The following MRC1 variants were observed in gnomAD, a reference collection of about 807,000 sequenced individuals.
The protein encoded by MRC1 is mannose receptor C-type 1, also known as macrophage mannose receptor 1.
A neutral mutation model predicts 102.9 loss-of-function variants in MRC1; 62 were observed. The observed-to-expected ratio is 0.60, with a 90% confidence interval of 0.49 to 0.74. The LOEUF (loss-of-function observed/expected upper bound fraction) is 0.74. MRC1 is among the 30% of genes least tolerant of loss of function. MRC1 has a pLI of 0.00. For synonymous variants in MRC1, 457 were observed against 298.4 expected, an observed-to-expected ratio of 1.53 and a Z score of -5.48; for missense variants, 1,237 against 862.8, an observed-to-expected ratio of 1.43 and a Z score of -5.43.
chr10:17,824,987 T>G (rs987529930), intron 2 of MRC1, among the ~76,000 whole-genome samples: 21 of 152,058 alleles, frequency 1.4e-4, no homozygotes, highest in Non-Finnish European at 4.4e-5. Context: ...ATATACATAT[T>G]GGGAAAAACC....
At chr10:17,901,465 G>T (rs1197147283) in intron 25 of MRC1, among the ~76,000 whole-genome samples, 3 of 152,158 alleles carry the variant, frequency 2.0e-5, no homozygotes, top group African/African-American at 7.2e-5. Flanking sequence ...GAGGCGGGCA[G>T]ATCACCTGAG....
chr10:17,873,897 A>G, intron 16 of MRC1, 72 bp downstream of exon 16: 5 of 854,316 alleles, frequency 5.9e-6, no homozygotes, highest in Non-Finnish European at 1.0e-5. Context: ...CTCAATGAAA[A>G]AATTACTTGC....
rs782616938 is a variant in MRC1 at position 17,827,372 on chromosome 10, C to CAAAAAAAAAAAAAAAAA, written c.464-148_464-132dup. On this transcript the variant is annotated intron_variant, in intron 2 of 29. Coordinates refer to ENST00000569591, the MANE Select transcript of MRC1 (RefSeq NM_002438.4). ...TAGAAGGAGAAGGAAAAAAAATACC[C>CAAAAAAAAAAAAAAAAA]AAAAAAAAAAAAAAAAAAAAAAAAA... is the stretch of plus-strand genomic sequence containing the variant. 1.1e-4 allele frequency among the ~76,000 whole-genome samples: 7 copies of CAAAAAAAAAAAAAAAAA among 64,030 alleles called. 3 individuals are homozygous for CAAAAAAAAAAAAAAAAA. The highest frequency in any genetic ancestry group is 1.9e-4 in the Non-Finnish European group (6 of 31,754). 42.0% of individuals were successfully genotyped at this position (64,030 alleles called of 152,430 possible). A position where few individuals can be genotyped will look rare whatever the true frequency, so the allele number is the denominator to read the frequency against.
intron 8 of MRC1, among the ~76,000 whole-genome samples, chr10:17,853,758 G>T (rs1833028901): frequency 1.3e-5 from 2 of 152,022 alleles, no homozygotes; most frequent in Non-Finnish European, 2.9e-5. Context: ...ACATGGAGCT[G>T]TCATATGAAA....
At chr10:17,854,449 A>T (rs1158337583) in intron 8 of MRC1, among the ~76,000 whole-genome samples, 1 of 152,222 alleles carries the variant, frequency 6.6e-6, no homozygotes, top group Non-Finnish European at 1.5e-5. Flanking sequence ...AGACAGAAGA[A>T]ACCAGAAAGC....
At chr10:17,858,303 T>A (rs1156784174) in intron 9 of MRC1, among the ~76,000 whole-genome samples, 1 of 152,192 alleles carries the variant, frequency 6.6e-6, no homozygotes, top group Non-Finnish European at 1.5e-5. Flanking sequence ...GTCACACTAA[T>A]TCTTCTTCAG....
At chr10:17,820,395 T>A (rs1838377276) in intron 1 of MRC1, among the ~76,000 whole-genome samples, 1 of 152,218 alleles carries the variant, frequency 6.6e-6, no homozygotes, top group Non-Finnish European at 1.5e-5. Context: ...CATTAAATGC[T>A]GTCTTAGAGT....
intron 4 of MRC1, among the ~76,000 whole-genome samples, chr10:17,839,514 T>G (rs1250372796): frequency 6.8e-6 from 1 of 146,558 alleles, no homozygotes; most frequent in South Asian, 2.2e-4. Flanking sequence ...TTTAAAGAAT[T>G]TTTTTGAAGG....
At chr10:17,882,682 A>G (rs1833536387) in intron 21 of MRC1, among the ~76,000 whole-genome samples, 1 of 152,200 alleles carries the variant, frequency 6.6e-6, no homozygotes, top group Non-Finnish European at 1.5e-5. Context: ...ACATTGTACA[A>G]TAAATCCCAA....
intron 3 of MRC1, among the ~76,000 whole-genome samples, chr10:17,830,534 C>G (rs1838554831): frequency 6.6e-6 from 1 of 151,336 alleles, no homozygotes; most frequent in Non-Finnish European, 1.5e-5. Flanking sequence ...TCTCCATTGT[C>G]CGTTGCATTG....
intron 22 of MRC1, among the ~76,000 whole-genome samples, chr10:17,886,728 C>T (rs1833601886): frequency 6.6e-6 from 1 of 152,052 alleles, no homozygotes; most frequent in Non-Finnish European, 1.5e-5. Context: ...AAATTTAAAA[C>T]ATAATAATTA....
intron 7 of MRC1, 130 bp from the exon 8 acceptor site, chr10:17,852,837 T>A: frequency 1.3e-6 from 1 of 761,710 alleles, no homozygotes; most frequent in Non-Finnish European, 2.4e-6. Context: ...GAGGACTATC[T>A]TTCATGATGG....
chr10:17,886,126 A>G (rs1833589631), intron 22 of MRC1, among the ~76,000 whole-genome samples: 1 of 152,208 alleles, frequency 6.6e-6, no homozygotes, highest in Non-Finnish European at 1.5e-5. Context: ...TGACAGCATC[A>G]GCTATAAACA....
intron 2 of MRC1, among the ~76,000 whole-genome samples, chr10:17,826,750 A>G (rs1838481814): frequency 6.6e-6 from 1 of 152,192 alleles, no homozygotes; most frequent in Admixed American, 6.5e-5. Context: ...GTTTCAATTA[A>G]CATTTCTAGT....
At chr10:17,817,092 A>T (rs1309065262) in intron 1 of MRC1, among the ~76,000 whole-genome samples, 1 of 152,032 alleles carries the variant, frequency 6.6e-6, no homozygotes, top group African/African-American at 2.4e-5. Flanking sequence ...TACTAAAAAT[A>T]CAAAAATTAG....
At chr10:17,811,269 T>C (rs887312368) in intron 1 of MRC1, among the ~76,000 whole-genome samples, 5 of 152,294 alleles carry the variant, frequency 3.3e-5, no homozygotes, top group Middle Eastern at 3.4e-3. Context: ...AAGTGTACAA[T>C]GGTTACATGA....
At chr10:17,814,674 C>T (rs1047755896) in intron 1 of MRC1, among the ~76,000 whole-genome samples, 1 of 145,558 alleles carries the variant, frequency 6.9e-6, no homozygotes, top group Non-Finnish European at 1.5e-5. Context: ...TCCTTCCGTC[C>T]CTCTTTTTTT....
rs1051419529 is a variant in MRC1 at position 17,878,880 on chromosome 10, C to T, written c.2619-841C>T. Among the ~76,000 whole-genome samples, 10 of 152,202 alleles carry T rather than the reference C, an allele frequency of 6.6e-5. No individual in the cohort carries two copies. In the East Asian group the frequency reaches 7.7e-4, roughly 12 times the overall value. On this transcript the variant is annotated intron_variant, in intron 18 of 29. Transcript: ENST00000569591. Reference sequence around the variant, plus strand: ...GTTGGATCTTGCTTTGGACAAGGAACGCCATTTTATCATTTCTAAAGTGAA... The same window carrying T: ...GTTGGATCTTGCTTTGGACAAGGAATGCCATTTTATCATTTCTAAAGTGAA...
chr10:17,810,024 T>A (rs2130563246), intron 1 of MRC1, among the ~76,000 whole-genome samples: 1 of 151,920 alleles, frequency 6.6e-6, no homozygotes, highest in East Asian at 1.9e-4. Context: ...ATTTCCATAC[T>A]CATTTTTTTT....
Sources: gnomAD v4.1 joint callset for allele counts (sites outside exome capture counted in the v4.1 genomes callset) on GRCh38, gnomAD v4.1.1 for gene constraint, MANE v1.5 for transcripts, NCBI Gene and HGNC (gene_info 2026-07-23, HGNC 2026-07-21) for gene names.